Variants in SCN1B observed in about 807,000 individuals in gnomAD.
SCN1B encodes sodium channel regulatory subunit beta-1.
Under a neutral mutation model 25.7 loss-of-function variants are expected in SCN1B, and 11 were observed. The ratio of observed to expected loss-of-function variants is 0.43; its 90% CI spans 0.27 to 0.71. SCN1B has a LOEUF of 0.71. SCN1B is among the 30% of genes least tolerant of loss of function. SCN1B has a pLI of 0.21. For missense variants in SCN1B, 224 were observed against 291.5 expected, an observed-to-expected ratio of 0.77 and a Z score of 1.69; for synonymous variants, 119 against 117.5, an observed-to-expected ratio of 1.01 and a Z score of -0.08.
chr19:35,039,068 GCTGT>G (rs2064265917), intron 3 of SCN1B, 45 bp from the exon 4 acceptor site: 1 of 1,611,232 alleles, frequency 6.2e-7, no homozygotes. Flanking sequence ...GCACACTCAG[GCTGT>G]CATGCAGCCT....
chr19:35,033,878 G>A, intron 3 of SCN1B, 139 bp downstream of exon 3: 2 of 1,604,006 alleles, frequency 1.2e-6, no homozygotes, highest in African/African-American at 1.3e-5. Context: ...GAGGGGGAGG[G>A]GAGCAGCCCC....
Position 35,032,580 on chromosome 19 carries a change from G to A in SCN1B, c.93G>A (p.Val31=). 1 of 1,614,118 alleles carries A rather than the reference G, an allele frequency of 6.2e-7. No individual in the cohort carries two copies. Among genetic ancestry groups the A allele is most frequent in the Non-Finnish European group, 8.5e-7 (1 of 1,180,046 alleles). Residue 31 remains valine (V), a synonymous_variant, in exon 2 of 6, where the codon GTG becomes GTA. Transcript: ENST00000262631. This position sits in a 1 kb window ranked among gnomAD's most constrained non-coding sequence, Gnocchi z 4.3. ...AGGTGGACTCGGAGACCGAGGCCGT[G>A]TATGGGATGACCTTCAAAATTCTTT... ...CVEVDSETEA[V]YGMTFKILCI...
Position 35,039,224 on chromosome 19 carries a change from G to A in SCN1B, c.556G>A (p.Ala186Thr), listed in dbSNP as rs762620649. ...AEMIYCYKKI[A>T]AATETAAQEN... ...GATGATTTACTGCTACAAGAAGATC[G>A]CTGCCGCCACGGAGACTGCTGCACA... The change falls in exon 4 of 6, where the codon GCT (alanine) becomes ACT (threonine). Residue 186 changes from alanine to threonine, a missense_variant. Physicochemically the swap from Ala to Thr is moderately conservative, Grantham distance 58. This residue lies in a region of SCN1B where 52 missense variants were observed against 50.8 expected (regional missense o/e 1.02). Coordinates refer to ENST00000262631, the MANE Select transcript of SCN1B (RefSeq NM_001037.5). 16 of 1,613,836 alleles carry A rather than the reference G, an allele frequency of 9.9e-6. No homozygotes were observed. Among genetic ancestry groups the A allele is most frequent in the Middle Eastern group, 1.6e-4 (1 of 6,082 alleles).
intron 3 of SCN1B, chr19:35,038,192 A>G (rs1329885231): frequency 6.6e-6 from 1 of 152,128 alleles, no homozygotes; most frequent in Non-Finnish European, 1.5e-5. Context: ...AGCAGGGAAA[A>G]TGGGATCTCA....
intron 2 of SCN1B, among the ~76,000 whole-genome samples, chr19:35,033,067 C>G (rs1433674564): frequency 6.6e-6 from 1 of 152,008 alleles, no homozygotes; most frequent in African/African-American, 2.4e-5. Flanking sequence ...TTTTTTTAAC[C>G]TCCTTTAAAC....
chr19:35,033,780 G>A lies in SCN1B; in HGVS notation c.448+41G>A, dbSNP rs543685730. 1.9e-6 allele frequency: 3 copies of A among 1,613,762 alleles called. No individual in the cohort carries two copies. Among genetic ancestry groups the A allele is most frequent in the South Asian group, 2.2e-5 (2 of 91,088 alleles). On this transcript the variant is annotated intron_variant, in intron 3 of 5. Coordinates refer to ENST00000262631, the MANE Select transcript of SCN1B (RefSeq NM_001037.5). ...CCTGCCCCTTTACCGTCACCCACCGGAGAGCCAGATGGAGGGACAGATGGC... is the reference window on the plus strand; with the variant it reads ...CCTGCCCCTTTACCGTCACCCACCGAAGAGCCAGATGGAGGGACAGATGGC...
At position 35,033,490 on chromosome 19, in the gene SCN1B, T is replaced by A; in HGVS notation, c.208-9T>A. The A allele has an allele frequency of 6.2e-7, 1 of 1,613,610 alleles. No homozygotes were observed. Among genetic ancestry groups the A allele is most frequent in the Non-Finnish European group, 8.5e-7 (1 of 1,179,882 alleles). ...GCAGTGACACCTTCCCCTCCCTGGC[T>A]ACCCCTAGATCCTGCGCTATGAGAA... On this transcript the variant is annotated splice_polypyrimidine_tract_variant and intron_variant, in intron 2 of 5. Transcript: ENST00000262631.
rs1291596821 is a variant in SCN1B at position 35,039,104 on chromosome 19, C to T, written c.449-13C>T. ...GCCTGGGCTACCCCCTTAACCCTGC[C>T]TGGCCCCTGCAGCCAACAGAGACAT... On this transcript the variant is annotated splice_polypyrimidine_tract_variant and intron_variant, in intron 3 of 5. Transcript: ENST00000262631. The T allele has an allele frequency of 3.1e-6, 5 of 1,614,008 alleles. No homozygotes were observed. Among genetic ancestry groups the T allele is most frequent in the Non-Finnish European group, 4.2e-6 (5 of 1,180,020 alleles).
At chr19:35,039,378 T>C in intron 4 of SCN1B, 120 bp downstream of exon 4, 2 of 1,384,530 alleles carry the variant, frequency 1.4e-6, no homozygotes, top group Non-Finnish European at 2.0e-6. Context: ...CATCTCTCAG[T>C]ACTACCCAGA....
At chr19:35,031,146 C>A (rs2064211039) in intron 1 of SCN1B, among the ~76,000 whole-genome samples, 1 of 145,036 alleles carries the variant, frequency 6.9e-6, no homozygotes, top group Admixed American at 7.0e-5. Context: ...CCCGGAGCCC[C>A]GCAGGCTGCA....
In SCN1B at chr19:35,030,726, C is replaced by T. The variant is rs569134158; in HGVS notation, c.-95C>T. ...CGCAGCTGCTGCGCCCGCGCGCTCC[C>T]GGGGACATTCTAACCGCCGCCAGGT... On this transcript the variant is annotated 5_prime_UTR_variant, in exon 1 of 6. Transcript: ENST00000262631. 878 of 395,560 alleles carry T rather than the reference C, an allele frequency of 2.2e-3. 7 individuals are homozygous for T. Among genetic ancestry groups the T allele is most frequent in the African/African-American group, 0.018 (822 of 45,548 alleles). 24.5% of individuals were successfully genotyped at this position (395,560 alleles called of 1,614,324 possible). A position where few individuals can be genotyped will look rare whatever the true frequency, so the allele number is the denominator to read the frequency against.
chr19:35,038,267 G>A (rs978296515), intron 3 of SCN1B: 2 of 152,184 alleles, frequency 1.3e-5, no homozygotes, highest in African/African-American at 2.4e-5. Flanking sequence ...GGACACCAGA[G>A]TGGCTTTTGA....
At chr19:35,034,418 A>T (rs61377791) in intron 3 of SCN1B, 1 of 393,200 alleles carries the variant, frequency 2.5e-6, no homozygotes, top group East Asian at 5.2e-5. Flanking sequence ...CCCTCTGAGC[A>T]GCAAGGGCCT....
intron 3 of SCN1B, chr19:35,035,627 AC>A (rs778780405): frequency 6.6e-6 from 1 of 151,756 alleles, no homozygotes; most frequent in Non-Finnish European, 1.5e-5. Context: ...CCACTGTATG[AC>A]ACTACATCCC....
At chr19:35,037,834 T>C (rs552275982) in intron 3 of SCN1B, 1 of 150,832 alleles carries the variant, frequency 6.6e-6, no homozygotes, top group South Asian at 2.1e-4. Flanking sequence ...TGGTGCACAC[T>C]TGTAGTCTCC....
chr19:35,032,575 G>C lies in SCN1B; in HGVS notation c.88G>C (p.Ala30Pro). The change falls in exon 2 of 6, where the codon GCC becomes CCC. Residue 30 changes from alanine (A) to proline (P), a missense_variant. By Grantham distance (27) the Ala-to-Pro change is conservative (BLOSUM62 -1). This residue lies in a region of SCN1B where 46 missense variants were observed against 35.8 expected (regional missense o/e 1.29). Coordinates refer to ENST00000262631, the MANE Select transcript of SCN1B (RefSeq NM_001037.5). The surrounding 1 kb of genome is among the most constrained non-coding windows in gnomAD (Gnocchi z 4.3). ...CGTGGAGGTGGACTCGGAGACCGAG[G>C]CCGTGTATGGGATGACCTTCAAAAT... Reference protein sequence around the residue: ...GCVEVDSETEAVYGMTFKILC... With the variant: ...GCVEVDSETEPVYGMTFKILC... 1.2e-6 allele frequency: 2 copies of C among 1,614,080 alleles called. No individual in the cohort carries two copies. Among genetic ancestry groups the C allele is most frequent in the Non-Finnish European group, 1.7e-6 (2 of 1,180,052 alleles).
Position 35,030,770 on chromosome 19 carries a change from G to A in SCN1B, c.-51G>A. The A allele has an allele frequency of 4.2e-6, 3 of 709,198 alleles. No individual in the cohort carries two copies. Among genetic ancestry groups the A allele is most frequent in the East Asian group, 6.7e-5 (1 of 14,862 alleles). The allele number at this position is 709,198 out of a possible 1,614,324, so 43.9% of individuals were successfully genotyped here. A position where few individuals can be genotyped will look rare whatever the true frequency, so the allele number is the denominator to read the frequency against. The stretch of plus-strand genomic sequence containing the variant: ...GCCAGGTCCCGCCGCCTCTCGCCCC[G>A]CTATTAATACCGGCGGCCCGGGAGG... On this transcript the variant is annotated 5_prime_UTR_variant, in exon 1 of 6. Coordinates refer to ENST00000262631, the MANE Select transcript of SCN1B (RefSeq NM_001037.5).
Position 35,032,375 on chromosome 19 carries a change from T to G in SCN1B, c.41-153T>G, listed in dbSNP as rs531824397. ...AACTGAGACTCAGGGATGAATGACT[T>G]GCTGAGGTCACGCAGTGAGTGACAG... On this transcript the variant is annotated intron_variant, in intron 1 of 5. Transcript: ENST00000262631. This position sits in a 1 kb window ranked among gnomAD's most constrained non-coding sequence, Gnocchi z 4.3. Among the ~76,000 whole-genome samples the G allele has an allele frequency of 6.0e-4, 92 of 152,366 alleles. No individual in the cohort carries two copies. The highest frequency in any genetic ancestry group is 1.9e-3 in the African/African-American group (81 of 41,588).
chr19:35,036,019 C>A (rs2151747465), intron 3 of SCN1B: 1 of 150,358 alleles, frequency 6.7e-6, no homozygotes, highest in Non-Finnish European at 1.5e-5. Context: ...CAGGTGTGAG[C>A]CACTACGCCC....
Sources: allele counts gnomAD v4.1 joint callset (sites outside exome capture counted in the v4.1 genomes callset), GRCh38; gene constraint gnomAD v4.1.1; regional missense constraint gnomAD v4.1.1; non-coding constraint Gnocchi (gnomAD v3.1); transcripts MANE v1.5; gene names NCBI Gene and HGNC (gene_info 2026-07-23, HGNC 2026-07-21).